Variants in IYD observed in about 807,000 individuals in gnomAD.
The protein encoded by IYD is iodotyrosine deiodinase, also known as iodotyrosine deiodinase 1.
A neutral mutation model predicts 28.4 loss-of-function variants in IYD; 25 were observed. The ratio of observed to expected loss-of-function variants is 0.88; its 90% CI spans 0.64 to 1.23. The LOEUF (loss-of-function observed/expected upper bound fraction) is 1.23, where lower values mean the gene tolerates loss of function less well. Among genes scored for constraint, IYD ranks in the 50% most tolerant of loss-of-function variants. IYD has a pLI of 0.00. For missense variants in IYD, 352 were observed against 357.9 expected (o/e 0.98, Z 0.13); for synonymous variants, 140 against 130.8 (o/e 1.07, Z -0.48).
intron 1 of IYD, chr6:150,369,861 G>A (rs1777154148): frequency 6.1e-6 from 4 of 656,200 alleles, no homozygotes; most frequent in Non-Finnish European, 1.1e-5. Flanking sequence ...GCAACAAGGA[G>A]CCAAAGGAGC....
At chr6:150,392,249 C>G (rs1778148302) in intron 2 of IYD, 96 bp from the exon 3 acceptor site, 2 of 1,598,676 alleles carry the variant, frequency 1.3e-6, no homozygotes, top group Non-Finnish European at 1.7e-6. Context: ...TCCAGCCTCC[C>G]AAAGTGCTTG....
chr6:150,377,144 G>T lies in IYD; in HGVS notation c.178+7935G>T, dbSNP rs527677238. Among the ~76,000 whole-genome samples the T allele has an allele frequency of 1.3e-3, 199 of 152,316 alleles. 1 individual carries two copies. The highest frequency in any genetic ancestry group is 4.5e-3 in the African/African-American group (188 of 41,588). ...GTGCAAAGATACAAGGCAAGTTACT[G>T]TTGGTATCAATAGCAAGTTCCAAGT... On this transcript the variant is annotated intron_variant, in intron 1 of 4. Coordinates refer to ENST00000344419, the MANE Select transcript of IYD (RefSeq NM_203395.3).
At chr6:150,370,421 A>C in intron 1 of IYD, 1 of 856,210 alleles carries the variant, frequency 1.2e-6, no homozygotes, top group Non-Finnish European at 1.4e-6. Flanking sequence ...GTGCGTGCGC[A>C]TGAGTGTGTT....
Position 150,392,515 on chromosome 6 carries a change from T to A in IYD, c.530+11T>A, listed in dbSNP as rs752413964. The A allele has an allele frequency of 6.2e-7, 1 of 1,613,434 alleles. No individual in the cohort carries two copies. The highest frequency in any genetic ancestry group is 8.5e-7 in the Non-Finnish European group (1 of 1,179,636). On this transcript the variant is annotated intron_variant, in intron 3 of 4. Coordinates refer to ENST00000344419, the MANE Select transcript of IYD (RefSeq NM_203395.3). ...CCTCAAGAAACTGAGGTACAAACAGTGGTGGAACTGGGGATGTTTGCCTTG... is the reference window on the plus strand; with the variant it reads ...CCTCAAGAAACTGAGGTACAAACAGAGGTGGAACTGGGGATGTTTGCCTTG...
rs763276208 is a variant in IYD at position 150,404,330 on chromosome 6, T to A, written c.*6093T>A. 6.6e-6 allele frequency: 1 copy of A among 152,256 alleles called. No individual in the cohort carries two copies. Among genetic ancestry groups the A allele is most frequent in the Non-Finnish European group, 1.5e-5 (1 of 68,054 alleles). The allele number at this position is 152,256 out of a possible 1,614,324, so 9.4% of individuals were successfully genotyped here. A position where few individuals can be genotyped will look rare whatever the true frequency, so the allele number is the denominator to read the frequency against. On this transcript the variant is annotated 3_prime_UTR_variant, in exon 5 of 5. Transcript: ENST00000344419. Reference sequence around the variant, plus strand: ...GTATGCTCCTTAAGTGATTTGAATCTTTAAAAAGCTTATGATTCCAATTTG... The same window carrying A: ...GTATGCTCCTTAAGTGATTTGAATCATTAAAAAGCTTATGATTCCAATTTG...
At chr6:150,393,197 C>T (rs1184207439) in intron 3 of IYD, among the ~76,000 whole-genome samples, 1 of 152,138 alleles carries the variant, frequency 6.6e-6, no homozygotes, top group Non-Finnish European at 1.5e-5. Flanking sequence ...GGTGGGTACA[C>T]AAGAGTACAT....
At chr6:150,371,435 A>C (rs1334521349) in intron 1 of IYD, among the ~76,000 whole-genome samples, 1 of 152,180 alleles carries the variant, frequency 6.6e-6, no homozygotes, top group East Asian at 1.9e-4. Flanking sequence ...AGGGACCAAC[A>C]TTCTCTGAGA....
chr6:150,392,800 A>C (rs74371532), intron 3 of IYD, among the ~76,000 whole-genome samples: 1,574 of 152,328 alleles, frequency 0.01, 32 homozygotes, highest in African/African-American at 0.035. Flanking sequence ...AGCAAATTAC[A>C]TTTTGCTAAA....
intron 2 of IYD, among the ~76,000 whole-genome samples, chr6:150,390,866 G>C (rs1298824444): frequency 6.6e-6 from 1 of 152,112 alleles, no homozygotes; most frequent in Non-Finnish European, 1.5e-5. Context: ...ACTGATCAAG[G>C]TGTGGACTGA....
At chr6:150,376,215 C>A (rs1418951647) in intron 1 of IYD, among the ~76,000 whole-genome samples, 1 of 152,014 alleles carries the variant, frequency 6.6e-6, no homozygotes, top group African/African-American at 2.4e-5. Flanking sequence ...CTCCTGCTAG[C>A]GAAATATGAA....
At chr6:150,395,946 G>C in intron 4 of IYD, 1 of 456,450 alleles carries the variant, frequency 2.2e-6, no homozygotes, top group Non-Finnish European at 3.9e-6. Flanking sequence ...ATCTCACTGG[G>C]TGGGGATGCT....
In IYD at chr6:150,402,402, A is replaced by C. The variant is rs1778537658; in HGVS notation, c.*4165A>C. On this transcript the variant is annotated 3_prime_UTR_variant, in exon 5 of 5. Coordinates refer to ENST00000344419, the MANE Select transcript of IYD (RefSeq NM_203395.3). The stretch of plus-strand genomic sequence containing the variant: ...TCACAGGAGGTGGAGCAGTGTCGTC[A>C]ATGTTATCATCCCCCTGCACCTGCA... The C allele has an allele frequency of 6.6e-6, 1 of 152,228 alleles. No individual in the cohort carries two copies. Among genetic ancestry groups the C allele is most frequent in the Admixed American group, 6.5e-5 (1 of 15,280 alleles). 9.4% of individuals were successfully genotyped at this position (152,228 alleles called of 1,614,324 possible).
intron 1 of IYD, among the ~76,000 whole-genome samples, chr6:150,379,997 T>C (rs1052393415): frequency 6.6e-6 from 1 of 152,218 alleles, no homozygotes; most frequent in Non-Finnish European, 1.5e-5. Flanking sequence ...TAATCTGTCT[T>C]TTGTGAATTC....
intron 2 of IYD, 156 bp downstream of exon 2, chr6:150,389,699 A>G: frequency 1.4e-6 from 1 of 690,276 alleles, no homozygotes; most frequent in Non-Finnish European, 2.6e-6. Flanking sequence ...AGTGCCAGAA[A>G]CACAATGACT....
At chr6:150,397,396 C>T (rs1778359876) in intron 4 of IYD, among the ~76,000 whole-genome samples, 1 of 151,768 alleles carries the variant, frequency 6.6e-6, no homozygotes, top group Admixed American at 6.6e-5. Flanking sequence ...TGGCAAAACC[C>T]CATCTCTATA....
intron 4 of IYD, among the ~76,000 whole-genome samples, chr6:150,397,320 G>A (rs1159819262): frequency 6.6e-6 from 1 of 152,092 alleles, no homozygotes; most frequent in Non-Finnish European, 1.5e-5. Context: ...TGTAATCCCA[G>A]CACTTTGGGA....
chr6:150,382,930 G>A (rs1368540138), intron 1 of IYD, among the ~76,000 whole-genome samples: 1 of 151,862 alleles, frequency 6.6e-6, no homozygotes, highest in African/African-American at 2.4e-5. Flanking sequence ...AGTCATTGTT[G>A]GTCTGTTTCT....
chr6:150,387,162 C>T (rs1343936892), intron 1 of IYD, among the ~76,000 whole-genome samples: 1 of 152,094 alleles, frequency 6.6e-6, no homozygotes, highest in Admixed American at 6.6e-5. Flanking sequence ...TTGCAACTAA[C>T]GCAGCCCCTG....
In IYD at chr6:150,377,316, C is replaced by T. The variant is rs1002007477; in HGVS notation, c.178+8107C>T. ...AAACAAAGGGGTTACACAGTCTGCT[C>T]TCTTGCCTCTGGCTGAGGGCCACAT... On this transcript the variant is annotated intron_variant, in intron 1 of 4. Transcript: ENST00000344419. 2.0e-5 allele frequency among the ~76,000 whole-genome samples: 3 copies of T among 152,214 alleles called. No individual in the cohort carries two copies. In the East Asian group the frequency reaches 5.8e-4, roughly 29 times the overall value.
Sources: gnomAD v4.1 joint callset for allele counts (sites outside exome capture counted in the v4.1 genomes callset) on GRCh38, gnomAD v4.1.1 for gene constraint, MANE v1.5 for transcripts, NCBI Gene and HGNC (gene_info 2026-07-23, HGNC 2026-07-21) for gene names.